Variants in RGS7 observed in about 807,000 individuals in gnomAD.
RGS7 encodes regulator of G protein signaling 7.
A neutral mutation model predicts 81.1 loss-of-function variants in RGS7; 27 were observed. The observed-to-expected ratio is 0.33, with a 90% CI of 0.25 to 0.46. The LOEUF (loss-of-function observed/expected upper bound fraction) is 0.46, where lower values mean the gene tolerates loss of function less well. RGS7 is among the 20% of genes least tolerant of loss of function. The pLI is 1.00. For synonymous variants in RGS7, 208 were observed against 207.7 expected (o/e 1.00, Z -0.01); for missense variants, 396 against 607.4 (o/e 0.65, Z 3.66).
chr1:241,057,730 T>G lies in RGS7; in HGVS notation c.175+40936A>C, dbSNP rs989198723. 3.3e-5 allele frequency among the ~76,000 whole-genome samples: 5 copies of G among 152,128 alleles called. No individual in the cohort carries two copies. In the East Asian group the frequency reaches 7.8e-4, roughly 24 times the overall value. On this transcript the variant is annotated intron_variant, in intron 3 of 18. Coordinates refer to ENST00000440928, the MANE Select transcript of RGS7 (RefSeq NM_001364886.1). ...GGAGTTCGAGACCAGCCTAATATGG[T>G]GAAACCCCGTCTCTACTAAAAATAC...
chr1:241,165,908 A>G (rs924008913), intron 2 of RGS7, among the ~76,000 whole-genome samples: 2 of 152,178 alleles, frequency 1.3e-5, no homozygotes, highest in Admixed American at 1.3e-4. Context: ...GATCAGAAGC[A>G]TCTGCATCGG....
chr1:241,312,919 C>T (rs933159932), intron 2 of RGS7, among the ~76,000 whole-genome samples: 3 of 151,934 alleles, frequency 2.0e-5, no homozygotes, highest in African/African-American at 4.8e-5. Flanking sequence ...AGTGAACACA[C>T]GAATGATAAG....
chr1:240,788,775 G>T (rs1478035697), intron 18 of RGS7, among the ~76,000 whole-genome samples: 2 of 152,182 alleles, frequency 1.3e-5, no homozygotes, highest in Non-Finnish European at 2.9e-5. Flanking sequence ...CAGAGATGAG[G>T]TTACAAATCT....
chr1:240,834,916 CCACA>C (rs67071227), intron 9 of RGS7, among the ~76,000 whole-genome samples: 46,983 of 144,344 alleles, frequency 0.33, 8,538 homozygotes, highest in African/African-American at 0.51. Flanking sequence ...ACCTTACACT[CCACA>C]CACACACACA....
At chr1:241,227,570 C>CAAAAAAAAAAAAA (rs5782179) in intron 2 of RGS7, among the ~76,000 whole-genome samples, 5 of 103,718 alleles carry the variant, frequency 4.8e-5, no homozygotes, top group Non-Finnish European at 7.6e-5. Flanking sequence ...CTGTCTCTAC[C>CAAAAAAAAAAAAA]AAAAAAAAAA....
intron 10 of RGS7, chr1:240,822,864 G>A (rs191903755): frequency 3.1e-6 from 1 of 325,908 alleles, no homozygotes; most frequent in South Asian, 3.0e-5. Flanking sequence ...ATTTTCAGCT[G>A]TAGGAAAACA....
At chr1:241,348,790 C>G (rs1245592009) in intron 2 of RGS7, among the ~76,000 whole-genome samples, 1 of 152,112 alleles carries the variant, frequency 6.6e-6, no homozygotes, top group Non-Finnish European at 1.5e-5. Flanking sequence ...CTAGATAGGG[C>G]TAAACAATGT....
chr1:240,964,797 C>G (rs1368771999), intron 4 of RGS7, among the ~76,000 whole-genome samples: 1 of 152,104 alleles, frequency 6.6e-6, no homozygotes, highest in East Asian at 1.9e-4. Flanking sequence ...GAACTTAAGG[C>G]AAAACATTTT....
chr1:240,809,208 T>C (rs939349977), intron 14 of RGS7, among the ~76,000 whole-genome samples: 1 of 152,122 alleles, frequency 6.6e-6, no homozygotes, highest in Non-Finnish European at 1.5e-5. Context: ...GGGAAATACA[T>C]CATAAAATTT....
chr1:241,267,111 C>T (rs1033009216), intron 2 of RGS7, among the ~76,000 whole-genome samples: 1 of 152,142 alleles, frequency 6.6e-6, no homozygotes, highest in African/African-American at 2.4e-5. Context: ...TCAGATGTGC[C>T]GTGAGATTGG....
chr1:241,291,502 A>C (rs1014165756), intron 2 of RGS7, among the ~76,000 whole-genome samples: 2 of 149,490 alleles, frequency 1.3e-5, no homozygotes, highest in Non-Finnish European at 3.0e-5. Flanking sequence ...AAATGGGGCA[A>C]TGTTGCCTAC....
chr1:240,910,227 T>C (rs1299532290), intron 6 of RGS7, among the ~76,000 whole-genome samples: 1 of 152,244 alleles, frequency 6.6e-6, no homozygotes, highest in East Asian at 1.9e-4. Flanking sequence ...TCAGGTGTGA[T>C]GTACTCCAAC....
At position 240,818,704 on chromosome 1, in the gene RGS7, T is replaced by A. The variant is rs182783727; in HGVS notation, c.685-2289A>T. Among the ~76,000 whole-genome samples, 41 of 152,298 alleles carry A rather than the reference T, an allele frequency of 2.7e-4. 1 individual carries two copies. The highest frequency in any genetic ancestry group is 9.6e-4 in the African/African-American group (40 of 41,574). On this transcript the variant is annotated intron_variant, in intron 10 of 18. Transcript: ENST00000440928. ...GAAATATGCTAGGCAGAGAGGTCTT[T>A]ACCATAGAATTACACTTATATGTGG...
At chr1:240,824,006 T>G (rs1692321616) in intron 10 of RGS7, among the ~76,000 whole-genome samples, 2 of 152,236 alleles carry the variant, frequency 1.3e-5, no homozygotes, top group African/African-American at 4.8e-5. Context: ...ATCCTTGAGA[T>G]AATACATTTT....
At chr1:241,157,619 G>T (rs1223068829) in intron 2 of RGS7, among the ~76,000 whole-genome samples, 1 of 152,082 alleles carries the variant, frequency 6.6e-6, no homozygotes, top group Non-Finnish European at 1.5e-5. Flanking sequence ...CATCATATCT[G>T]CTAGGGGTCA....
In RGS7 at chr1:240,776,042, C is replaced by A. The variant is rs1682877357; in HGVS notation, c.*178G>T. 1.2e-6 allele frequency: 1 copy of A among 801,270 alleles called. No individual in the cohort carries two copies. Among genetic ancestry groups the A allele is most frequent in the Non-Finnish European group, 2.3e-6 (1 of 444,276 alleles). 49.6% of individuals were successfully genotyped at this position (801,270 alleles called of 1,614,324 possible). ...AGATGGAATGTACACACAAAAATAA[C>A]AATTTAGGTCCTTTGCTCATGCAAC... On this transcript the variant is annotated 3_prime_UTR_variant, in exon 19 of 19. Transcript: ENST00000440928.
At chr1:241,292,066 G>A (rs949664593) in intron 2 of RGS7, among the ~76,000 whole-genome samples, 1 of 152,220 alleles carries the variant, frequency 6.6e-6, no homozygotes, top group African/African-American at 2.4e-5. Context: ...CCATATCACT[G>A]TTTCCACCTC....
At chr1:241,262,468 A>G (rs1558249366) in intron 2 of RGS7, among the ~76,000 whole-genome samples, 1 of 152,204 alleles carries the variant, frequency 6.6e-6, no homozygotes, top group Non-Finnish European at 1.5e-5. Flanking sequence ...AACAATCTCA[A>G]TAAGCCTCAT....
intron 2 of RGS7, among the ~76,000 whole-genome samples, chr1:241,323,266 A>G (rs1269268425): frequency 1.3e-5 from 2 of 152,220 alleles, no homozygotes; most frequent in African/African-American, 4.8e-5. Flanking sequence ...AATAATATGC[A>G]ATGTTTTAAA....
Sources: gnomAD v4.1 joint callset for allele counts (sites outside exome capture counted in the v4.1 genomes callset) on GRCh38, gnomAD v4.1.1 for gene constraint, MANE v1.5 for transcripts, NCBI Gene and HGNC (gene_info 2026-07-23, HGNC 2026-07-21) for gene names.